Variants in CDH13 observed in about 807,000 individuals in gnomAD.
CDH13 encodes the protein cadherin-13.
CDH13 carries 24 observed loss-of-function variants against 63.8 expected under a neutral mutation model. That is an observed-to-expected ratio of 0.38 (90% CI 0.27 to 0.53). The LOEUF (loss-of-function observed/expected upper bound fraction) is 0.53, where lower values mean the gene tolerates loss of function less well. CDH13 is among the 20% of genes least tolerant of loss of function. The probability of loss-of-function intolerance (pLI) is 0.85; values close to 1 mark genes in which losing one functional copy is unlikely to be tolerated. For synonymous variants in CDH13, 503 were observed against 355.3 expected (o/e 1.42, Z -4.67); for missense variants, 1,049 against 903.1 (o/e 1.16, Z -2.07).
chr16:82,658,508 T>A (rs574556713), intron 1 of CDH13, among the ~76,000 whole-genome samples: 1 of 152,362 alleles, frequency 6.6e-6, no homozygotes, highest in Admixed American at 6.5e-5. Flanking sequence ...AGCTCAGTGG[T>A]TAAGACTGGA....
intron 7 of CDH13, among the ~76,000 whole-genome samples, chr16:83,570,340 A>G (rs192494326): frequency 0.01 from 1,573 of 151,486 alleles, 9 homozygotes; most frequent in Middle Eastern, 0.021. Flanking sequence ...TAAAATCCCC[A>G]CCTCTCACAC....
chr16:82,720,308 A>G (rs977728755), intron 1 of CDH13, among the ~76,000 whole-genome samples: 5 of 152,158 alleles, frequency 3.3e-5, no homozygotes, highest in Non-Finnish European at 5.9e-5. Flanking sequence ...TTCTTACTGC[A>G]TTGTTTTTTA....
intron 1 of CDH13, chr16:82,844,371 G>T (rs1215240689): frequency 6.6e-6 from 1 of 152,008 alleles, no homozygotes; most frequent in Non-Finnish European, 1.5e-5. Flanking sequence ...GGAGGCTGAG[G>T]CAGGCGGATC....
At chr16:82,746,640 C>T (rs571712862) in intron 1 of CDH13, among the ~76,000 whole-genome samples, 19 of 151,466 alleles carry the variant, frequency 1.3e-4, no homozygotes, top group Non-Finnish European at 2.5e-4. Context: ...GAAATTAATC[C>T]ACTTATTTTC....
Position 83,521,163 on chromosome 16 carries a change from G to A in CDH13, c.960+34508G>A, listed in dbSNP as rs1383024406. On this transcript the variant is annotated intron_variant, in intron 7 of 13. Transcript: ENST00000567109. ...TGGAAAACCAGCACTTTGCTAACAC[G>A]TTTTAAATTTAAATTATTGCATGTA... Among the ~76,000 whole-genome samples the A allele has an allele frequency of 2.6e-5, 4 of 152,084 alleles. No homozygotes were observed. The East Asian group carries it at 5.8e-4, about 22-fold the overall frequency.
chr16:83,669,576 T>A (rs1428265789), intron 8 of CDH13, among the ~76,000 whole-genome samples: 2 of 152,110 alleles, frequency 1.3e-5, no homozygotes, highest in Admixed American at 1.3e-4. Context: ...ATTTTCCAGC[T>A]CTCCTTTTAT....
chr16:83,045,398 G>A (rs149614184), intron 3 of CDH13, among the ~76,000 whole-genome samples: 1 of 152,136 alleles, frequency 6.6e-6, no homozygotes, highest in African/African-American at 2.4e-5. Flanking sequence ...TAGCACTTTG[G>A]GAGACTGAGG....
chr16:83,524,583 G>C (rs1294338608), intron 7 of CDH13, among the ~76,000 whole-genome samples: 1 of 150,524 alleles, frequency 6.6e-6, no homozygotes, highest in East Asian at 2.0e-4. Context: ...CTCCCAAGTA[G>C]CTGGGACTAC....
At chr16:83,252,995 T>C (rs1250886162) in intron 5 of CDH13, among the ~76,000 whole-genome samples, 1 of 152,108 alleles carries the variant, frequency 6.6e-6, no homozygotes, top group Non-Finnish European at 1.5e-5. Flanking sequence ...ATACCTATTT[T>C]ATAGGGTACT....
chr16:83,008,584 G>T (rs1913789462), intron 2 of CDH13, among the ~76,000 whole-genome samples: 1 of 152,152 alleles, frequency 6.6e-6, no homozygotes, highest in African/African-American at 2.4e-5. Context: ...GTTTTCAGTA[G>T]ACGAGTGACA....
intron 5 of CDH13, among the ~76,000 whole-genome samples, chr16:83,306,453 A>C (rs1327967703): frequency 6.6e-6 from 1 of 152,126 alleles, no homozygotes; most frequent in Non-Finnish European, 1.5e-5. Context: ...CCCTGAAAGG[A>C]GGCTGTTATA....
intron 6 of CDH13, among the ~76,000 whole-genome samples, chr16:83,357,674 T>C (rs1186383719): frequency 1.3e-5 from 2 of 152,166 alleles, no homozygotes; most frequent in African/African-American, 4.8e-5. Flanking sequence ...CATACGTCAA[T>C]GCATAGAACG....
At chr16:83,259,411 C>G (rs1334337148) in intron 5 of CDH13, among the ~76,000 whole-genome samples, 1 of 152,246 alleles carries the variant, frequency 6.6e-6, no homozygotes, top group Middle Eastern at 3.4e-3. Context: ...GTGGGGAGAA[C>G]AGCCCCTCAG....
At chr16:82,664,069 T>TA (rs1156407433) in intron 1 of CDH13, among the ~76,000 whole-genome samples, 1 of 152,208 alleles carries the variant, frequency 6.6e-6, no homozygotes, top group African/African-American at 2.4e-5. Flanking sequence ...AAATATTACT[T>TA]ACTCGTCCCT....
intron 1 of CDH13, among the ~76,000 whole-genome samples, chr16:82,673,764 T>A (rs1218295548): frequency 6.6e-6 from 1 of 152,216 alleles, no homozygotes; most frequent in South Asian, 2.1e-4. Context: ...AGAGAATGAT[T>A]GCTCCACAAC....
At position 83,757,185 on chromosome 16, in the gene CDH13, A is replaced by G. The variant is rs530789584; in HGVS notation, c.1681+8935A>G. Among the ~76,000 whole-genome samples the G allele has an allele frequency of 1.1e-4, 17 of 152,348 alleles. No homozygotes were observed. The South Asian group carries it at 3.3e-3, about 30-fold the overall frequency. ...ACTTCCAAATAACTCATAATCAAAA[A>G]CAAAAATAGAAATATGAAATGTCAA... On this transcript the variant is annotated intron_variant, in intron 11 of 13. Coordinates refer to ENST00000567109, the MANE Select transcript of CDH13 (RefSeq NM_001257.5).
At chr16:82,924,093 A>C (rs1365787830) in intron 2 of CDH13, among the ~76,000 whole-genome samples, 1 of 152,244 alleles carries the variant, frequency 6.6e-6, no homozygotes, top group South Asian at 2.1e-4. Flanking sequence ...TACCCAATTA[A>C]ATAACTGGTA....
chr16:83,299,407 C>A (rs2089680406), intron 5 of CDH13, among the ~76,000 whole-genome samples: 1 of 152,156 alleles, frequency 6.6e-6, no homozygotes, highest in South Asian at 2.1e-4. Flanking sequence ...GTTTGGACTC[C>A]TCATGCTTGC....
rs192930707 is a variant in CDH13 at position 83,709,611 on chromosome 16, C to A, written c.1538+31150C>A. 4.0e-3 allele frequency among the ~76,000 whole-genome samples: 612 copies of A among 152,348 alleles called. 4 individuals carry two copies. The highest frequency in any genetic ancestry group is 0.014 in the African/African-American group (593 of 41,580). ...TTTAATTGCATAGAAAGCCAGTATT[C>A]CATTGCCATCCACAGTGAGCCTCTT... is the stretch of plus-strand genomic sequence containing the variant. On this transcript the variant is annotated intron_variant, in intron 10 of 13. Transcript: ENST00000567109.
Sources: gnomAD v4.1 joint callset for allele counts (sites outside exome capture counted in the v4.1 genomes callset) on GRCh38, gnomAD v4.1.1 for gene constraint, MANE v1.5 for transcripts, NCBI Gene and HGNC (gene_info 2026-07-23, HGNC 2026-07-21) for gene names.